The following MAST2 variants were observed in gnomAD, a reference collection of about 807,000 sequenced individuals.
MAST2 encodes the protein microtubule-associated serine/threonine-protein kinase 2.
Under a neutral mutation model 147.4 loss-of-function variants are expected in MAST2, and 70 were observed. The ratio of observed to expected loss-of-function variants is 0.47; its 90% CI spans 0.39 to 0.58. The LOEUF is 0.58. Ranked by LOEUF, MAST2 falls within the 20% of genes least tolerant of loss-of-function variation. The pLI is 0.00. For synonymous variants in MAST2, 869 were observed against 896.8 expected (o/e 0.97, Z 0.55); for missense variants, 2,080 against 2,302.3 (o/e 0.90, Z 1.98).
chr1:45,811,789 A>G (rs957424704), intron 1 of MAST2, among the ~76,000 whole-genome samples: 1 of 146,460 alleles, frequency 6.8e-6, no homozygotes, highest in Non-Finnish European at 1.5e-5. Flanking sequence ...GCCCGCCACC[A>G]CGCCCAGCTA....
chr1:45,828,728 G>A (rs1300958748), intron 2 of MAST2, among the ~76,000 whole-genome samples: 10 of 152,132 alleles, frequency 6.6e-5, no homozygotes, highest in African/African-American at 9.7e-5. Context: ...TTGGAGACCC[G>A]CCTGGCTAAC....
Position 46,006,386 on chromosome 1 carries a change from G to A in MAST2, c.893G>A (p.Arg298Gln), listed in dbSNP as rs773162177. 20 of 1,612,114 alleles carry A rather than the reference G, an allele frequency of 1.2e-5. No homozygotes were observed. Among genetic ancestry groups the A allele is most frequent in the East Asian group, 6.7e-5 (3 of 44,862 alleles). ...RQSPAMRPRSRSLSPGRSPVS... is the reference protein window; with the variant it reads ...RQSPAMRPRSQSLSPGRSPVS... ...TCCCCAGCCATGCGGCCTCGCTCCC[G>A]GAGCCTCAGGTGAGGGTGCTCTCTG... Residue 298 changes from arginine to glutamine, a missense_variant, in exon 8 of 29, where the codon CGG (arginine) becomes CAG (glutamine). This residue lies in a region of MAST2 where 569 missense variants were observed against 642.5 expected (regional missense o/e 0.89). Transcript: ENST00000361297.
chr1:45,942,151 T>TC (rs1246432769), intron 4 of MAST2, among the ~76,000 whole-genome samples: 9 of 151,938 alleles, frequency 5.9e-5, no homozygotes, highest in Admixed American at 5.9e-4. Flanking sequence ...GGTTTCTTTT[T>TC]TTTTTTTTTT....
intron 3 of MAST2, among the ~76,000 whole-genome samples, chr1:45,834,190 C>G (rs1033494458): frequency 2.0e-5 from 3 of 151,946 alleles, no homozygotes; most frequent in Non-Finnish European, 2.9e-5. Context: ...AATAGGACAA[C>G]TATTTAAAAA....
At chr1:45,817,157 A>C (rs1034970538) in intron 1 of MAST2, among the ~76,000 whole-genome samples, 13 of 152,226 alleles carry the variant, frequency 8.5e-5, no homozygotes, top group African/African-American at 3.1e-4. Context: ...TAGGGGTAGA[A>C]AGTTTATCGA....
chr1:45,864,293 T>C (rs1646072483), intron 3 of MAST2, among the ~76,000 whole-genome samples: 1 of 152,194 alleles, frequency 6.6e-6, no homozygotes, highest in South Asian at 2.1e-4. Flanking sequence ...GATAAACAGC[T>C]GAATGAATTT....
chr1:45,920,034 A>T (rs1653199917), intron 4 of MAST2, among the ~76,000 whole-genome samples: 1 of 152,100 alleles, frequency 6.6e-6, no homozygotes, highest in Admixed American at 6.5e-5. Flanking sequence ...GTTTGGTGAG[A>T]CCAGGGCAGC....
At position 46,030,217 on chromosome 1, in the gene MAST2, C is replaced by T; in HGVS notation, c.2532C>T (p.Ser844=). ...GCCTTGAGATCCGCCAGTTCTCTTC[C>T]TGCTCTCCAAGGTTCAACAAGGTGT... ...DGCLEIRQFS[S]CSPRFNKVYS... is the part of the protein sequence containing the mutation. The change falls in exon 21 of 29, where the codon TCC becomes TCT. Residue 844 remains serine, a synonymous_variant. Transcript: ENST00000361297. The T allele has an allele frequency of 6.2e-7, 1 of 1,614,188 alleles. No individual in the cohort carries two copies. Among genetic ancestry groups the T allele is most frequent in the Non-Finnish European group, 8.5e-7 (1 of 1,180,036 alleles).
chr1:45,974,435 A>G (rs1644051373), intron 5 of MAST2, among the ~76,000 whole-genome samples: 1 of 152,198 alleles, frequency 6.6e-6, no homozygotes, highest in African/African-American at 2.4e-5. Context: ...ATCTCTACAA[A>G]TGATACAAAA....
intron 2 of MAST2, among the ~76,000 whole-genome samples, chr1:45,827,304 C>G (rs1304043490): frequency 6.6e-6 from 1 of 152,080 alleles, no homozygotes; most frequent in East Asian, 1.9e-4. Context: ...TATTTATTTA[C>G]TAAAGAGCTG....
In MAST2 at chr1:45,868,354, T is replaced by C. The variant is rs189196188; in HGVS notation, c.469-14010T>C. On this transcript the variant is annotated intron_variant, in intron 3 of 28. Coordinates refer to ENST00000361297, the MANE Select transcript of MAST2 (RefSeq NM_015112.3). Reference sequence around the variant, plus strand: ...AGCCACCATAAGCAAATTTTTGTTATCAACTCTCTTAGTGCCATAATTTCC... The same window carrying C: ...AGCCACCATAAGCAAATTTTTGTTACCAACTCTCTTAGTGCCATAATTTCC... Among the ~76,000 whole-genome samples the C allele has an allele frequency of 2.0e-5, 3 of 152,356 alleles. No homozygotes were observed. The East Asian group carries it at 5.8e-4, about 29-fold the overall frequency.
chr1:45,996,094 T>C (rs1001658830), intron 5 of MAST2, among the ~76,000 whole-genome samples: 45 of 151,738 alleles, frequency 3.0e-4, no homozygotes, highest in African/African-American at 8.7e-4. Context: ...TGCTTTTTTT[T>C]CCCCTCTCGG....
rs777205725 is a variant in MAST2, at chr1:46,010,920, T to C, written c.1169T>C (p.Leu390Ser). ...TACTTCTACGAACTTCAAGATAATT[T>C]GGAGAAACTTTTACAAGATGTGAGT... ...SQYFYELQDN[L>S]EKLLQDAHER... The change falls in exon 10 of 29, where the codon TTG becomes TCG. Residue 390 changes from leucine (L) to serine (S), a missense_variant. Coordinates refer to ENST00000361297, the MANE Select transcript of MAST2 (RefSeq NM_015112.3). The C allele has an allele frequency of 6.2e-7, 1 of 1,614,124 alleles. No individual in the cohort carries two copies. Among genetic ancestry groups the C allele is most frequent in the South Asian group, 1.1e-5 (1 of 91,064 alleles).
intron 4 of MAST2, among the ~76,000 whole-genome samples, chr1:45,893,748 T>C (rs1018235416): frequency 6.6e-6 from 1 of 152,150 alleles, no homozygotes; most frequent in Non-Finnish European, 1.5e-5. Flanking sequence ...AGAATATTTA[T>C]AGTAATAGCA....
At chr1:45,921,226 C>T (rs1653418486) in intron 4 of MAST2, among the ~76,000 whole-genome samples, 1 of 152,100 alleles carries the variant, frequency 6.6e-6, no homozygotes, top group African/African-American at 2.4e-5. Context: ...AAACCCCTGA[C>T]CTCGTGATTC....
chr1:45,933,263 T>G, intron 4 of MAST2, among the ~76,000 whole-genome samples: 1 of 150,096 alleles, frequency 6.7e-6, no homozygotes, highest in Admixed American at 6.6e-5. Context: ...GGGCAAATGT[T>G]GATGGTAGAC....
At chr1:45,903,382 G>A (rs1650132880) in intron 4 of MAST2, among the ~76,000 whole-genome samples, 1 of 151,942 alleles carries the variant, frequency 6.6e-6, no homozygotes, top group Admixed American at 6.6e-5. Context: ...CTCCCGCCTT[G>A]GCCTCCCAAA....
chr1:45,911,876 ATTATTATTATTATTATT>A (rs1251002048), intron 4 of MAST2, among the ~76,000 whole-genome samples: 1 of 146,308 alleles, frequency 6.8e-6, no homozygotes, highest in East Asian at 2.0e-4. Flanking sequence ...TATTATTATT[ATTATTATTATTATTATT>A]ATTATTATGT....
intron 4 of MAST2, chr1:45,917,378 C>T (rs759433419): frequency 1.5e-6 from 2 of 1,366,408 alleles, no homozygotes; most frequent in Non-Finnish European, 9.8e-7. Context: ...TAAACCAGCA[C>T]ATGTTTTCAC....
Sources: gnomAD v4.1 joint callset for allele counts (sites outside exome capture counted in the v4.1 genomes callset) on GRCh38, gnomAD v4.1.1 for gene constraint, gnomAD v4.1.1 regional missense constraint, MANE v1.5 for transcripts, NCBI Gene and HGNC (gene_info 2026-07-23, HGNC 2026-07-21) for gene names.